COQ8A: variants seen among roughly 807,000 people sequenced by gnomAD.
COQ8A encodes the protein atypical kinase COQ8A, mitochondrial.
A neutral mutation model predicts 65.0 loss-of-function variants in COQ8A; 51 were observed. The observed-to-expected ratio is 0.78, with a 90% CI of 0.63 to 0.99. The LOEUF is 0.99. COQ8A is among the 50% of genes least tolerant of loss of function. The pLI is 0.00. For synonymous variants in COQ8A, 371 were observed against 353.2 expected (o/e 1.05, Z -0.57); for missense variants, 940 against 875.0 (o/e 1.07, Z -0.94).
At position 226,949,379 on chromosome 1, in the gene COQ8A, G is replaced by C. The variant is rs1233745639; in HGVS notation, c.-10+8980G>C. Reference sequence around the variant, plus strand: ...GAATCTGGCAGGAGAGTGTTCCATGGCTCGGAGCTGGGGAGCTTGTGGGAG... The same window carrying C: ...GAATCTGGCAGGAGAGTGTTCCATGCCTCGGAGCTGGGGAGCTTGTGGGAG... On this transcript the variant is annotated intron_variant, in intron 1 of 14. Transcript: ENST00000366777. The surrounding 1 kb of genome is among the most constrained non-coding windows in gnomAD (Gnocchi z 4.0). Among the ~76,000 whole-genome samples, 1 of 152,028 alleles carries C rather than the reference G, an allele frequency of 6.6e-6. No homozygotes were observed. Among genetic ancestry groups the C allele is most frequent in the Non-Finnish European group, 1.5e-5 (1 of 67,994 alleles).
intron 1 of COQ8A, among the ~76,000 whole-genome samples, chr1:226,956,826 G>T (rs1380800375): frequency 1.1e-5 from 1 of 89,218 alleles, no homozygotes; most frequent in African/African-American, 4.7e-5. Flanking sequence ...CCACTCCCTG[G>T]TTCACACTCT....
intron 4 of COQ8A, 148 bp downstream of exon 4, chr1:226,965,885 G>C: frequency 1.2e-6 from 1 of 811,646 alleles, no homozygotes; most frequent in African/African-American, 1.7e-5. Context: ...AGCTTTTGGG[G>C]AGCTGGAGTT....
At chr1:226,964,140 T>C (rs1022478533) in intron 2 of COQ8A, among the ~76,000 whole-genome samples, 1 of 152,212 alleles carries the variant, frequency 6.6e-6, no homozygotes, top group Non-Finnish European at 1.5e-5. Context: ...CTGCATACCC[T>C]GCGCATTTCA....
intron 1 of COQ8A, among the ~76,000 whole-genome samples, chr1:226,943,567 T>C (rs939644425): frequency 2.0e-5 from 3 of 152,216 alleles, no homozygotes; most frequent in African/African-American, 7.2e-5. Flanking sequence ...CTAGACTGAC[T>C]ACCTGACTGG....
intron 5 of COQ8A, among the ~76,000 whole-genome samples, chr1:226,980,066 G>A (rs1001292985): frequency 3.9e-5 from 6 of 152,220 alleles, no homozygotes; most frequent in South Asian, 2.1e-4. Flanking sequence ...AGGGGGACCC[G>A]AGGCTTAGGC....
At chr1:226,985,991 G>A (rs1480538549) in intron 14 of COQ8A, among the ~76,000 whole-genome samples, 1 of 152,192 alleles carries the variant, frequency 6.6e-6, no homozygotes, top group Non-Finnish European at 1.5e-5. Flanking sequence ...ACCTTGGGCT[G>A]TCCCTGGCGG....
chr1:226,950,687 T>C (rs1657321144), intron 1 of COQ8A, among the ~76,000 whole-genome samples: 1 of 152,056 alleles, frequency 6.6e-6, no homozygotes, highest in African/African-American at 2.4e-5. Context: ...CTGGTTCTGC[T>C]GCTCACAAAA....
chr1:226,978,207 ACCT>A (rs1306600005), intron 5 of COQ8A, among the ~76,000 whole-genome samples: 3 of 98,234 alleles, frequency 3.1e-5, no homozygotes, highest in African/African-American at 6.3e-5. Flanking sequence ...ATACCTGCAC[ACCT>A]CCTTACACAC....
chr1:226,983,988 C>T (rs1273688576), intron 10 of COQ8A, 106 bp from the exon 11 acceptor site: 3 of 1,566,462 alleles, frequency 1.9e-6, no homozygotes, highest in Non-Finnish European at 2.6e-6. Context: ...AGGCCATATC[C>T]TGCCTGGGGT....
chr1:226,947,892 C>G (rs559145348), intron 1 of COQ8A, among the ~76,000 whole-genome samples: 1 of 152,124 alleles, frequency 6.6e-6, no homozygotes, highest in Non-Finnish European at 1.5e-5. Flanking sequence ...AACAGGAATG[C>G]ACTGAGCTGT....
chr1:226,969,516 G>A (rs549754895), intron 4 of COQ8A, among the ~76,000 whole-genome samples: 21 of 152,168 alleles, frequency 1.4e-4, no homozygotes, highest in Non-Finnish European at 2.1e-4. Context: ...GATTACAGGC[G>A]TGAGCCACCG....
chr1:226,965,794 G>A, intron 4 of COQ8A, 57 bp downstream of exon 4: 1 of 1,571,634 alleles, frequency 6.4e-7, no homozygotes, highest in Non-Finnish European at 8.7e-7. Context: ...GCACCACGCT[G>A]CGGCCTGCAT....
At chr1:226,960,256 G>C (rs1291002770) in intron 1 of COQ8A, among the ~76,000 whole-genome samples, 4 of 147,966 alleles carry the variant, frequency 2.7e-5, no homozygotes, top group Non-Finnish European at 6.0e-5. Flanking sequence ...CTTGGTGGTG[G>C]TGGTGGTGGT....
intron 4 of COQ8A, among the ~76,000 whole-genome samples, chr1:226,976,664 G>A (rs1405750578): frequency 6.6e-6 from 1 of 152,204 alleles, no homozygotes; most frequent in Non-Finnish European, 1.5e-5. Context: ...CACCTTCTGG[G>A]CTCCTGGGCA....
rs367603340 is a variant in COQ8A, at chr1:226,982,018, C to T, written c.731-9C>T. 72 of 1,612,770 alleles carry T rather than the reference C, an allele frequency of 4.5e-5. No homozygotes were observed. The highest frequency in any genetic ancestry group is 5.4e-5 in the Non-Finnish European group (64 of 1,179,998). On this transcript the variant is annotated splice_polypyrimidine_tract_variant and intron_variant, in intron 5 of 14. Coordinates refer to ENST00000366777, the MANE Select transcript of COQ8A (RefSeq NM_020247.5). ...GAGTGCCGTGGTGACCCCTCTTGCCCGCCCACAGGGAAGAAGGCCGTGCTG... is the reference window on the plus strand; with the variant it reads ...GAGTGCCGTGGTGACCCCTCTTGCCTGCCCACAGGGAAGAAGGCCGTGCTG...
intron 1 of COQ8A, among the ~76,000 whole-genome samples, chr1:226,943,847 C>G (rs1656836797): frequency 6.6e-6 from 1 of 152,268 alleles, no homozygotes; most frequent in Middle Eastern, 3.4e-3. Flanking sequence ...CACCCCTTTC[C>G]AGTTGCCTGT....
chr1:226,956,046 T>C (rs1410393989), intron 1 of COQ8A, among the ~76,000 whole-genome samples: 274 of 79,860 alleles, frequency 3.4e-3, no homozygotes, highest in Middle Eastern at 0.011. Flanking sequence ...TCCCTGGCTC[T>C]CACTCTCCCT....
intron 5 of COQ8A, among the ~76,000 whole-genome samples, chr1:226,980,796 G>A (rs1241510798): frequency 2.6e-5 from 4 of 152,206 alleles, no homozygotes; most frequent in Admixed American, 6.5e-5. Flanking sequence ...GGGCAGATGC[G>A]GGTCTTCTCC....
rs1888826 is a variant in COQ8A, at chr1:226,977,783, T to C, written c.730+260T>C. 0.89 allele frequency among the ~76,000 whole-genome samples: 135,538 copies of C among 151,980 alleles called. 60,487 individuals are homozygous for C. The highest frequency in any genetic ancestry group is 0.9 in the Non-Finnish European group (60,820 of 67,932). ...CCCCTTCTTTTTGGCTGCCTGCACA[T>C]CCACACGCCTTCTGCACACCTGGAC... On this transcript the variant is annotated intron_variant, in intron 5 of 14. Transcript: ENST00000366777.
Sources: allele counts gnomAD v4.1 joint callset (sites outside exome capture counted in the v4.1 genomes callset), GRCh38; gene constraint gnomAD v4.1.1; non-coding constraint Gnocchi (gnomAD v3.1); transcripts MANE v1.5; gene names NCBI Gene and HGNC (gene_info 2026-07-23, HGNC 2026-07-21).